The following LRP5 variants were observed in gnomAD, a reference collection of about 807,000 sequenced individuals.
The protein encoded by LRP5 is LDL receptor related protein 5, also known as low-density lipoprotein receptor-related protein 5.
In LRP5, 62 loss-of-function variants were observed where a neutral mutation model predicts 154.1. The observed-to-expected ratio is 0.40, with a 90% CI of 0.33 to 0.50. The LOEUF is 0.50. Among genes scored for constraint, LRP5 ranks in the 20% least tolerant of loss-of-function variants. LRP5 has a pLI of 0.55. For missense variants in LRP5, 1,915 were observed against 2,336.7 expected (o/e 0.82, Z 3.72); for synonymous variants, 966 against 1,011.5 (o/e 0.96, Z 0.85).
Position 68,390,011 on chromosome 11 carries a change from G to A in LRP5, c.1543G>A (p.Gly515Arg). 1 of 1,614,230 alleles carries A rather than the reference G, an allele frequency of 6.2e-7. No individual in the cohort carries two copies. The highest frequency in any genetic ancestry group is 8.5e-7 in the Non-Finnish European group (1 of 1,180,040). The change falls in exon 7 of 23, where the codon GGG (glycine) becomes AGG (arginine). Residue 515 changes from glycine (G) to arginine (R), a missense_variant. By Grantham distance (125) the Gly-to-Arg change is moderately radical (BLOSUM62 -2). Coordinates refer to ENST00000294304, the MANE Select transcript of LRP5 (RefSeq NM_002335.4). ...PNGLALDLQE[G>R]KLYWGDAKTD... The stretch of plus-strand genomic sequence containing the variant: ...CGGCCTGGCCCTGGACCTGCAGGAG[G>A]GGAAGCTCTACTGGGGAGACGCCAA...
chr11:68,386,224 CTGAG>C lies in LRP5; in HGVS notation c.1016-90_1016-87del, dbSNP rs1446509442. The C allele has an allele frequency of 2.6e-6, 4 of 1,516,336 alleles. No individual in the cohort carries two copies. The highest frequency in any genetic ancestry group is 1.4e-5 in the African/African-American group (1 of 73,176). 93.9% of individuals were successfully genotyped at this position (1,516,336 alleles called of 1,614,324 possible). On this transcript the variant is annotated intron_variant, in intron 5 of 22. Transcript: ENST00000294304. The surrounding 1 kb of genome is among the most constrained non-coding windows in gnomAD (Gnocchi z 7.9). ...TGCAAGGAGAGCCCTGGGGGCCTGGCTGAGTATTTCCCTTGCCCGGCCCACCCCA... is the reference window on the plus strand; with the variant it reads ...TGCAAGGAGAGCCCTGGGGGCCTGGCTATTTCCCTTGCCCGGCCCACCCCA...
intron 7 of LRP5, among the ~76,000 whole-genome samples, chr11:68,391,592 C>T (rs2098646377): frequency 6.6e-6 from 1 of 152,212 alleles, no homozygotes; most frequent in South Asian, 2.1e-4. Flanking sequence ...AGTCTCAGCA[C>T]CTTCAGGGTG....
At position 68,347,853 on chromosome 11, in the gene LRP5, C is replaced by T. The variant is rs753259758; in HGVS notation, c.98C>T (p.Pro33Leu). Residue 33 changes from proline to leucine, a missense_variant, in exon 2 of 23, where the codon CCG (proline) becomes CTG (leucine). Coordinates refer to ENST00000294304, the MANE Select transcript of LRP5 (RefSeq NM_002335.4). ...GTTTGCTTCTGCCCCACAGCCTCGC[C>T]GCTCCTGCTATTTGCCAACCGCCGG... ...CGCPAPAAAS[P>L]LLLFANRRDV... is the part of the protein sequence containing the mutation. The T allele has an allele frequency of 5.6e-6, 9 of 1,613,210 alleles. No individual in the cohort carries two copies. Among genetic ancestry groups the T allele is most frequent in the Non-Finnish European group, 7.6e-6 (9 of 1,180,014 alleles).
chr11:68,336,113 A>G (rs1056987998), intron 1 of LRP5, among the ~76,000 whole-genome samples: 2 of 152,212 alleles, frequency 1.3e-5, no homozygotes, highest in Non-Finnish European at 2.9e-5. Flanking sequence ...TGGGTTTCTG[A>G]ATACCATTCT....
At chr11:68,336,163 T>C (rs1426716808) in intron 1 of LRP5, among the ~76,000 whole-genome samples, 1 of 152,144 alleles carries the variant, frequency 6.6e-6, no homozygotes, top group Non-Finnish European at 1.5e-5. Flanking sequence ...AAGAAGCTGG[T>C]TCTAGGGCTG....
At chr11:68,430,195 A>G (rs2098671130) in intron 17 of LRP5, among the ~76,000 whole-genome samples, 1 of 152,014 alleles carries the variant, frequency 6.6e-6, no homozygotes, top group African/African-American at 2.4e-5. Context: ...TGTTTTTGAG[A>G]CAGTGTCTTG....
rs573492210 is a variant in LRP5, at chr11:68,438,575, G to A, written c.4241G>A (p.Arg1414His). ...YFVCQRVVCQRYAGANGPFPH... is the reference protein window; with the variant it reads ...YFVCQRVVCQHYAGANGPFPH... Reference sequence around the variant, plus strand: ...GTGTGCCAGCGCGTGGTGTGCCAGCGCTATGCGGGGGCCAACGGGCCCTTC... The same window carrying A: ...GTGTGCCAGCGCGTGGTGTGCCAGCACTATGCGGGGGCCAACGGGCCCTTC... Residue 1414 changes from arginine to histidine, a missense_variant, in exon 20 of 23, where the codon CGC becomes CAC. Physicochemically the swap from Arg to His is conservative, Grantham distance 29. Around this residue, in one of 3 missense-constraint regions of LRP5, gnomAD observed 1,094 missense variants for 1,210.1 expected, o/e 0.90. Coordinates refer to ENST00000294304, the MANE Select transcript of LRP5 (RefSeq NM_002335.4). The A allele has an allele frequency of 1.1e-5, 18 of 1,614,122 alleles. No homozygotes were observed. Among genetic ancestry groups the A allele is most frequent in the East Asian group, 4.5e-5 (2 of 44,888 alleles).
intron 9 of LRP5, among the ~76,000 whole-genome samples, 188 bp downstream of exon 9, chr11:68,407,001 A>G (rs560749459): frequency 6.6e-5 from 10 of 151,982 alleles, no homozygotes; most frequent in Non-Finnish European, 1.5e-4. Context: ...AGTCCGGTAG[A>G]CACACATAAG....
intron 9 of LRP5, among the ~76,000 whole-genome samples, chr11:68,409,212 TATATA>T (rs1364943992): frequency 5.0e-5 from 3 of 60,414 alleles, no homozygotes; most frequent in Non-Finnish European, 1.1e-4. Flanking sequence ...TATAAGTAAA[TATATA>T]ATATATAATA....
intron 17 of LRP5, among the ~76,000 whole-genome samples, chr11:68,432,009 C>T (rs1335358614): frequency 6.6e-6 from 1 of 152,222 alleles, no homozygotes; most frequent in East Asian, 1.9e-4. Context: ...GACAGGGCCT[C>T]ACTGAGGTCT....
At chr11:68,374,268 CG>C (rs2098636108) in intron 5 of LRP5, among the ~76,000 whole-genome samples, 1 of 152,164 alleles carries the variant, frequency 6.6e-6, no homozygotes, top group Non-Finnish European at 1.5e-5. Flanking sequence ...CCGCTCAGCT[CG>C]GGGCCGAATA....
the LRP5 span, among the ~76,000 whole-genome samples, chr11:68,302,232 G>A: frequency 5.2e-4 from 79 of 150,810 alleles, no homozygotes; most frequent in Middle Eastern, 6.8e-3. Flanking sequence ...TGTAGTCCCA[G>A]CTACTCAGGA....
In LRP5 at chr11:68,411,597, T is replaced by A; in HGVS notation, c.2480T>A (p.Met827Lys). 1 of 1,612,558 alleles carries A rather than the reference T, an allele frequency of 6.2e-7. No homozygotes were observed. Among genetic ancestry groups the A allele is most frequent in the Non-Finnish European group, 8.5e-7 (1 of 1,179,556 alleles). Residue 827 changes from methionine (M) to lysine (K), a missense_variant, in exon 11 of 23, where the codon ATG becomes AAG. Met to Lys is a moderately conservative substitution (Grantham distance 95, BLOSUM62 -1). Transcript: ENST00000294304. ...TACTGGACCGACCTGGACACCAACA[T>A]GATCGAGTCGTCCAACATGCTGGGT... ...RLYWTDLDTN[M>K]IESSNMLGQE...
At chr11:68,395,014 G>A (rs1044646927) in intron 7 of LRP5, among the ~76,000 whole-genome samples, 2 of 152,130 alleles carry the variant, frequency 1.3e-5, no homozygotes, top group African/African-American at 4.8e-5. Flanking sequence ...GAGAGCAACC[G>A]AGGTGGCTGG....
Position 68,448,844 on chromosome 11 carries a change from C to T in LRP5, c.4622C>T (p.Thr1541Met), listed in dbSNP as rs150862227. The T allele has an allele frequency of 1.2e-5, 20 of 1,610,470 alleles. No individual in the cohort carries two copies. Among genetic ancestry groups the T allele is most frequent in the South Asian group, 1.1e-4 (10 of 91,084 alleles). ...ATTCGAGGAATGGCGCCCCCGACGA[C>T]GCCCTGCAGCACCGACGTGTGTGAC... ...YIIRGMAPPT[T>M]PCSTDVCDSD... Residue 1541 changes from threonine (T) to methionine (M), a missense_variant, in exon 23 of 23, where the codon ACG becomes ATG. By Grantham distance (81) the Thr-to-Met change is moderately conservative (BLOSUM62 -1). Coordinates refer to ENST00000294304, the MANE Select transcript of LRP5 (RefSeq NM_002335.4).
At chr11:68,434,241 G>A (rs1372704748) in intron 18 of LRP5, among the ~76,000 whole-genome samples, 2 of 152,148 alleles carry the variant, frequency 1.3e-5, no homozygotes, top group African/African-American at 4.8e-5. Context: ...GTAGAATCAG[G>A]AGGTATAAAG....
In LRP5 at chr11:68,425,216, G is replaced by C. The variant is rs1350403015; in HGVS notation, c.3351G>C (p.Leu1117=). 2.5e-6 allele frequency: 4 copies of C among 1,613,354 alleles called. No homozygotes were observed. The South Asian group carries it at 4.4e-5, about 18-fold the overall frequency. ...CCGGCCTCATCCGCCCTGTGGCCCT[G>C]GTGGTGGACAACACACTGGGCAAGC... ...FTTGLIRPVA[L]VVDNTLGKLF... is the part of the protein sequence containing the mutation. Residue 1117 remains leucine (L), a synonymous_variant, in exon 15 of 23, where the codon CTG becomes CTC. Transcript: ENST00000294304.
chr11:68,304,131 C>G, the LRP5 span, among the ~76,000 whole-genome samples: 1 of 152,226 alleles, frequency 6.6e-6, no homozygotes, highest in Non-Finnish European at 1.5e-5. Context: ...CCTCCCATCA[C>G]AGGCCCAGAG....
rs747015625 is a variant in LRP5, at chr11:68,433,682, G to A, written c.3844G>A (p.Gly1282Ser). 12 of 1,613,316 alleles carry A rather than the reference G, an allele frequency of 7.4e-6. No homozygotes were observed. The highest frequency in any genetic ancestry group is 5.0e-5 in the Admixed American group (3 of 60,038). Residue 1282 changes from glycine to serine, a missense_variant, in exon 18 of 23, where the codon GGC becomes AGC. Gly to Ser is a moderately conservative substitution (Grantham distance 56, BLOSUM62 0). Around this residue, in one of 3 missense-constraint regions of LRP5, gnomAD observed 1,094 missense variants for 1,210.1 expected, o/e 0.90. Coordinates refer to ENST00000294304, the MANE Select transcript of LRP5 (RefSeq NM_002335.4). Reference protein sequence around the residue: ...DCIPGAWRCDGFPECDDQSDE... With the variant: ...DCIPGAWRCDSFPECDDQSDE... ...TATCCCCGGGGCCTGGCGCTGTGAC[G>A]GCTTTCCCGAGTGCGATGACCAGAG... is the stretch of plus-strand genomic sequence containing the variant.
Sources: gnomAD v4.1 joint callset for allele counts (sites outside exome capture counted in the v4.1 genomes callset) on GRCh38, gnomAD v4.1.1 for gene constraint, gnomAD v4.1.1 regional missense constraint, Gnocchi (gnomAD v3.1) non-coding constraint, MANE v1.5 for transcripts, NCBI Gene and HGNC (gene_info 2026-07-23, HGNC 2026-07-21) for gene names.